DPYSL2: variants seen among roughly 807,000 people sequenced by gnomAD.
DPYSL2 encodes dihydropyrimidinase-related protein 2.
In DPYSL2, 13 loss-of-function variants were observed where a neutral mutation model predicts 69.9. That is an observed-to-expected ratio of 0.19 (90% CI 0.12 to 0.30). The LOEUF is 0.30. DPYSL2 is among the 10% of genes least tolerant of loss of function. The probability of loss-of-function intolerance (pLI) is 1.00; values close to 1 mark genes in which losing one functional copy is unlikely to be tolerated. For missense variants in DPYSL2, 587 were observed against 918.9 expected, an observed-to-expected ratio of 0.64 and a Z score of 4.67; for synonymous variants, 326 against 359.1, an observed-to-expected ratio of 0.91 and a Z score of 1.04.
In DPYSL2 at chr8:26,564,415, G is replaced by A. The variant is rs1335688399; in HGVS notation, c.355-17554G>A. Reference sequence around the variant, plus strand: ...TCCAAGCTCAAGGGACTGAGAGGTGGAGAGGAAGACTTTGAGATTTGGGAG... The same window carrying A: ...TCCAAGCTCAAGGGACTGAGAGGTGAAGAGGAAGACTTTGAGATTTGGGAG... On this transcript the variant is annotated intron_variant, in intron 1 of 13. Coordinates refer to ENST00000521913, the MANE Select transcript of DPYSL2 (RefSeq NM_001197293.3). This position sits in a 1 kb window ranked among gnomAD's most constrained non-coding sequence, Gnocchi z 4.8. Among the ~76,000 whole-genome samples the A allele has an allele frequency of 6.6e-6, 1 of 152,192 alleles. No individual in the cohort carries two copies. The highest frequency in any genetic ancestry group is 1.5e-5 in the Non-Finnish European group (1 of 68,028).
intron 1 of DPYSL2, among the ~76,000 whole-genome samples, chr8:26,536,101 T>C (rs1800588516): frequency 1.3e-5 from 2 of 149,224 alleles, no homozygotes; most frequent in South Asian, 4.3e-4. Flanking sequence ...TTTGTATCTT[T>C]TTCCTTTTTT....
rs545084097 is a variant in DPYSL2 at position 26,590,795 on chromosome 8, C to T, written c.628+6812C>T. ...CTGGTGCGGTACAGGGGAAGGATGG[C>T]GGAGCATCCTCAGAGACAGCACAGC... is the stretch of plus-strand genomic sequence containing the variant. On this transcript the variant is annotated intron_variant, in intron 3 of 13. Transcript: ENST00000521913. Among the ~76,000 whole-genome samples, 36 of 152,356 alleles carry T rather than the reference C, an allele frequency of 2.4e-4. No individual in the cohort carries two copies. The South Asian group carries it at 5.8e-3, about 25-fold the overall frequency.
chr8:26,591,765 C>G lies in DPYSL2; in HGVS notation c.628+7782C>G, dbSNP rs1361373294. Among the ~76,000 whole-genome samples, 1 of 152,138 alleles carries G rather than the reference C, an allele frequency of 6.6e-6. No homozygotes were observed. Among genetic ancestry groups the G allele is most frequent in the African/African-American group, 2.4e-5 (1 of 41,420 alleles). On this transcript the variant is annotated intron_variant, in intron 3 of 13. Coordinates refer to ENST00000521913, the MANE Select transcript of DPYSL2 (RefSeq NM_001197293.3). This position sits in a 1 kb window ranked among gnomAD's most constrained non-coding sequence, Gnocchi z 5.8. ...CTCTCCGCTTTCTCTTTGTCATCCCCCCATGGCAGCCCCTCTGCCTCTGGA... is the reference window on the plus strand; with the variant it reads ...CTCTCCGCTTTCTCTTTGTCATCCCGCCATGGCAGCCCCTCTGCCTCTGGA...
intron 1 of DPYSL2, among the ~76,000 whole-genome samples, chr8:26,515,625 A>G (rs1808271302): frequency 2.0e-5 from 3 of 152,216 alleles, no homozygotes; most frequent in African/African-American, 7.2e-5. Flanking sequence ...GCGCAGTAAT[A>G]ATCTCACACC....
rs116112552 is a variant in DPYSL2, at chr8:26,625,123, C to T, written c.793+816C>T. On this transcript the variant is annotated intron_variant, in intron 4 of 13. Coordinates refer to ENST00000521913, the MANE Select transcript of DPYSL2 (RefSeq NM_001197293.3). Reference sequence around the variant, plus strand: ...GGTACTAGAATGATAGAAAATGCCCCGGAATGAAAAGCAAGAGTCTTGGGT... The same window carrying T: ...GGTACTAGAATGATAGAAAATGCCCTGGAATGAAAAGCAAGAGTCTTGGGT... Among the ~76,000 whole-genome samples the T allele has an allele frequency of 5.4e-3, 826 of 152,218 alleles. 6 individuals carry two copies. Among genetic ancestry groups the T allele is most frequent in the African/African-American group, 0.019 (792 of 41,522 alleles).
rs750067839 is a variant in DPYSL2 at position 26,653,213 on chromosome 8, G to C, written c.1777-19G>C. The stretch of plus-strand genomic sequence containing the variant: ...TCTGTGGCTGTGGCCTGAGCTGGGG[G>C]GACTCTTGTGTTTTGCAGCTGGCTG... On this transcript the variant is annotated intron_variant, in intron 12 of 13. Coordinates refer to ENST00000521913, the MANE Select transcript of DPYSL2 (RefSeq NM_001197293.3). The surrounding 1 kb of genome is among the most constrained non-coding windows in gnomAD (Gnocchi z 5.7). 4.3e-5 allele frequency: 69 copies of C among 1,611,524 alleles called. No homozygotes were observed. Among genetic ancestry groups the C allele is most frequent in the Non-Finnish European group, 5.7e-5 (67 of 1,178,586 alleles).
chr8:26,557,938 A>G (rs1801015814), intron 1 of DPYSL2, among the ~76,000 whole-genome samples: 1 of 151,734 alleles, frequency 6.6e-6, no homozygotes, highest in African/African-American at 2.4e-5. Context: ...CTACATCCTA[A>G]CACCAAATGC....
At position 26,627,877 on chromosome 8, in the gene DPYSL2, G is replaced by A; in HGVS notation, c.942G>A (p.Gln314=). 6.2e-7 allele frequency: 1 copy of A among 1,613,774 alleles called. No homozygotes were observed. The highest frequency in any genetic ancestry group is 8.5e-7 in the Non-Finnish European group (1 of 1,179,988). ...AENGDIIAEE[Q]QRILDLGITG... is the part of the protein sequence containing the mutation. ...ACTTTCTCTAAACATTGCAGGAGCA[G>A]CAGAGGATCCTGGATCTGGGCATCA... is the stretch of plus-strand genomic sequence containing the variant. Residue 314 remains glutamine, a synonymous_variant, in exon 7 of 14, where the codon CAG becomes CAA. Coordinates refer to ENST00000521913, the MANE Select transcript of DPYSL2 (RefSeq NM_001197293.3). The surrounding 1 kb of genome is among the most constrained non-coding windows in gnomAD (Gnocchi z 6.9).
intron 1 of DPYSL2, among the ~76,000 whole-genome samples, chr8:26,554,765 A>C (rs1800918764): frequency 6.6e-6 from 1 of 152,220 alleles, no homozygotes; most frequent in South Asian, 2.1e-4. Context: ...CTCCTAATTC[A>C]TTCTATGAGG....
At chr8:26,521,662 T>A (rs1367679809) in intron 1 of DPYSL2, among the ~76,000 whole-genome samples, 1 of 152,150 alleles carries the variant, frequency 6.6e-6, no homozygotes. Flanking sequence ...AAGCAGTCAC[T>A]TTCCTTTTCC....
In DPYSL2 at chr8:26,627,409, G is replaced by C; in HGVS notation, c.936+114G>C. Reference sequence around the variant, plus strand: ...CCAAGGTGGAAAAGCAGAGGGACCTGGTGTTCCCTTGCTGGAGCTCTGCTC... The same window carrying C: ...CCAAGGTGGAAAAGCAGAGGGACCTCGTGTTCCCTTGCTGGAGCTCTGCTC... On this transcript the variant is annotated intron_variant, in intron 6 of 13. Coordinates refer to ENST00000521913, the MANE Select transcript of DPYSL2 (RefSeq NM_001197293.3). This position sits in a 1 kb window ranked among gnomAD's most constrained non-coding sequence, Gnocchi z 6.9. 2 of 1,098,408 alleles carry C rather than the reference G, an allele frequency of 1.8e-6. No homozygotes were observed. Among genetic ancestry groups the C allele is most frequent in the Non-Finnish European group, 2.7e-6 (2 of 733,712 alleles). 68.0% of individuals were successfully genotyped at this position (1,098,408 alleles called of 1,614,324 possible). A position where few individuals can be genotyped will look rare whatever the true frequency, so the allele number is the denominator to read the frequency against.
At chr8:26,612,698 T>G (rs1268225224) in intron 3 of DPYSL2, among the ~76,000 whole-genome samples, 1 of 152,228 alleles carries the variant, frequency 6.6e-6, no homozygotes, top group Non-Finnish European at 1.5e-5. Context: ...AGGTCAGTAG[T>G]TACTCACTTA....
At chr8:26,604,855 G>T (rs1052791469) in intron 3 of DPYSL2, among the ~76,000 whole-genome samples, 1 of 151,914 alleles carries the variant, frequency 6.6e-6, no homozygotes, top group East Asian at 1.9e-4. Flanking sequence ...TAGTAGAGAC[G>T]GGGTTTCACC....
At chr8:26,635,505 A>G (rs1468370937) in intron 8 of DPYSL2, among the ~76,000 whole-genome samples, 1 of 152,126 alleles carries the variant, frequency 6.6e-6, no homozygotes. Context: ...CACCTCATGC[A>G]TTTTGAATGC....
rs1802197186 is a variant in DPYSL2 at position 26,610,331 on chromosome 8, A to G, written c.629-13812A>G. ...TTGGGATACAGTCCATTTGATAGGA[A>G]GGTTGTTTACATCACAGTGTCCTGT... is the stretch of plus-strand genomic sequence containing the variant. On this transcript the variant is annotated intron_variant, in intron 3 of 13. Transcript: ENST00000521913. The surrounding 1 kb of genome is among the most constrained non-coding windows in gnomAD (Gnocchi z 4.5). 6.6e-6 allele frequency among the ~76,000 whole-genome samples: 1 copy of G among 152,182 alleles called. No individual in the cohort carries two copies. The highest frequency in any genetic ancestry group is 1.5e-5 in the Non-Finnish European group (1 of 68,044).
chr8:26,590,344 C>T (rs2129768774), intron 3 of DPYSL2, among the ~76,000 whole-genome samples: 1 of 152,316 alleles, frequency 6.6e-6, no homozygotes, highest in South Asian at 2.1e-4. Context: ...TGGTTGAGGT[C>T]ACACATTTCT....
chr8:26,568,630 G>A (rs1255715764), intron 1 of DPYSL2, among the ~76,000 whole-genome samples: 1 of 152,150 alleles, frequency 6.6e-6, no homozygotes, highest in African/African-American at 2.4e-5. Flanking sequence ...ATGGACAAAT[G>A]GCCAAGAACC....
At chr8:26,519,520 T>C (rs567365735) in intron 1 of DPYSL2, among the ~76,000 whole-genome samples, 2 of 152,334 alleles carry the variant, frequency 1.3e-5, no homozygotes, top group South Asian at 4.1e-4. Context: ...TTAGAATGTT[T>C]AGAGTATATT....
At position 26,582,873 on chromosome 8, in the gene DPYSL2, G is replaced by C. The variant is rs913458015; in HGVS notation, c.443+816G>C. On this transcript the variant is annotated intron_variant, in intron 2 of 13. Transcript: ENST00000521913. The surrounding 1 kb of genome is among the most constrained non-coding windows in gnomAD (Gnocchi z 4.1). Reference sequence around the variant, plus strand: ...GAAAACTGGAGTGGCTGTGACTGTTGCCTGGGAGCTCACACCCAGATTTAT... The same window carrying C: ...GAAAACTGGAGTGGCTGTGACTGTTCCCTGGGAGCTCACACCCAGATTTAT... Among the ~76,000 whole-genome samples, 1 of 152,192 alleles carries C rather than the reference G, an allele frequency of 6.6e-6. No homozygotes were observed. Among genetic ancestry groups the C allele is most frequent in the African/African-American group, 2.4e-5 (1 of 41,454 alleles).
Sources: allele counts gnomAD v4.1 joint callset (sites outside exome capture counted in the v4.1 genomes callset), GRCh38; gene constraint gnomAD v4.1.1; non-coding constraint Gnocchi (gnomAD v3.1); transcripts MANE v1.5; gene names NCBI Gene and HGNC (gene_info 2026-07-23, HGNC 2026-07-21).